Variants in NAALADL2 observed in about 807,000 individuals in gnomAD.
The protein encoded by NAALADL2 is inactive N-acetylated-alpha-linked acidic dipeptidase-like protein 2.
Under a neutral mutation model 87.2 loss-of-function variants are expected in NAALADL2, and 76 were observed. The observed-to-expected ratio is 0.87, with a 90% confidence interval of 0.72 to 1.05. The LOEUF (loss-of-function observed/expected upper bound fraction) is 1.05. NAALADL2 is among the 50% of genes least tolerant of loss of function. The probability of loss-of-function intolerance (pLI) is 0.00; values close to 1 mark genes in which losing one functional copy is unlikely to be tolerated. For synonymous variants in NAALADL2, 354 were observed against 331.0 expected (o/e 1.07, Z -0.75); for missense variants, 1,089 against 945.8 (o/e 1.15, Z -1.99).
chr3:175,803,652 T>A lies in NAALADL2; in HGVS notation c.*449T>A, dbSNP rs1315381093. 1 of 152,884 alleles carries A rather than the reference T, an allele frequency of 6.5e-6. No homozygotes were observed. The highest frequency in any genetic ancestry group is 2.4e-5 in the African/African-American group (1 of 41,448). The allele number at this position is 152,884 out of a possible 1,614,324, so 9.5% of individuals were successfully genotyped here. A position where few individuals can be genotyped will look rare whatever the true frequency, so the allele number is the denominator to read the frequency against. On this transcript the variant is annotated 3_prime_UTR_variant, in exon 14 of 14. Transcript: ENST00000454872. ...TAACTTCACTATTAAGTGTTCAATA[T>A]GAAGAATTCAAGTATTCTGACTGAG...
chr3:175,698,427 ATG>A (rs1412259681), intron 11 of NAALADL2, among the ~76,000 whole-genome samples: 5 of 135,950 alleles, frequency 3.7e-5, no homozygotes, highest in African/African-American at 1.5e-4. Context: ...ATACATATGT[ATG>A]TGTATATATT....
chr3:174,879,582 A>T (rs1728930899), intron 1 of NAALADL2, among the ~76,000 whole-genome samples: 1 of 152,108 alleles, frequency 6.6e-6, no homozygotes, highest in Non-Finnish European at 1.5e-5. Context: ...TTAGATTTTA[A>T]TACATAGAAA....
chr3:175,702,084 T>G (rs1396454961), intron 11 of NAALADL2, among the ~76,000 whole-genome samples: 1 of 152,156 alleles, frequency 6.6e-6, no homozygotes, highest in Non-Finnish European at 1.5e-5. Context: ...TTCAGAAAAT[T>G]TATGAATATG....
chr3:175,251,307 A>G (rs1179913703), intron 3 of NAALADL2, among the ~76,000 whole-genome samples: 1 of 152,196 alleles, frequency 6.6e-6, no homozygotes, highest in Non-Finnish European at 1.5e-5. Flanking sequence ...GGTTATAAAA[A>G]TGAATGTATA....
At chr3:175,426,569 A>G (rs985256965) in intron 5 of NAALADL2, among the ~76,000 whole-genome samples, 1 of 152,168 alleles carries the variant, frequency 6.6e-6, no homozygotes, top group African/African-American at 2.4e-5. Flanking sequence ...ACAGGTATGT[A>G]GTGTTAACAG....
At chr3:175,540,822 G>A (rs1276250610) in intron 9 of NAALADL2, among the ~76,000 whole-genome samples, 1 of 152,126 alleles carries the variant, frequency 6.6e-6, no homozygotes, top group Non-Finnish European at 1.5e-5. Context: ...GGCGACTACT[G>A]AAGGACTAAA....
At chr3:175,634,240 C>A (rs1582710355) in intron 11 of NAALADL2, among the ~76,000 whole-genome samples, 1 of 149,804 alleles carries the variant, frequency 6.7e-6, no homozygotes, top group South Asian at 2.2e-4. Flanking sequence ...AGTCGATTAA[C>A]CTTGGTCTCT....
At chr3:174,913,766 G>T (rs1052717527) in intron 1 of NAALADL2, among the ~76,000 whole-genome samples, 2 of 152,048 alleles carry the variant, frequency 1.3e-5, no homozygotes, top group Non-Finnish European at 2.9e-5. Context: ...TGCTGATCAA[G>T]TTAATTTTTT....
intron 1 of NAALADL2, among the ~76,000 whole-genome samples, chr3:174,959,790 C>T (rs1283159235): frequency 2.0e-5 from 3 of 152,034 alleles, no homozygotes; most frequent in Admixed American, 2.0e-4. Flanking sequence ...GGCTTAAGCA[C>T]TCATCTTCTA....
At chr3:174,710,230 C>CTTTTTTTTTTTTTT (rs57899491) in intron 2 of NAALADL2, among the ~76,000 whole-genome samples, 1 of 136,348 alleles carries the variant, frequency 7.3e-6, no homozygotes, top group Non-Finnish European at 1.6e-5. Context: ...TATGAGCCTC[C>CTTTTTTTTTTTTTT]TTTTTTTTTT....
intron 13 of NAALADL2, among the ~76,000 whole-genome samples, chr3:175,766,313 T>A (rs1748671581): frequency 6.6e-6 from 1 of 152,112 alleles, no homozygotes. Context: ...TGTTTTTACA[T>A]AAATAACAAT....
Position 175,447,313 on chromosome 3 carries a change from C to G in NAALADL2, c.1175C>G (p.Ser392Cys), listed in dbSNP as rs1215194834. Residue 392 changes from serine (S) to cysteine (C), a missense_variant, in exon 6 of 14, where the codon TCT (serine) becomes TGT (cysteine). By Grantham distance (112) the Ser-to-Cys change is moderately radical. Coordinates refer to ENST00000454872, the MANE Select transcript of NAALADL2 (RefSeq NM_207015.3). ...ISAPLVAKLI[S>C]SPKARTKNEA... ...GCACCCCTCGTTGCAAAACTGATCT[C>G]TTCGCCAAAAGCTAGAACCAAAAAT... 6.2e-7 allele frequency: 1 copy of G among 1,605,134 alleles called. No homozygotes were observed. Among genetic ancestry groups the G allele is most frequent in the Non-Finnish European group, 8.5e-7 (1 of 1,175,174 alleles).
intron 5 of NAALADL2, among the ~76,000 whole-genome samples, chr3:175,343,653 A>ATTTTTTTTTTT (rs1581504166): frequency 1.9e-5 from 1 of 52,284 alleles, no homozygotes; most frequent in African/African-American, 6.8e-5. Context: ...TGTCTTGATC[A>ATTTTTTTTTTT]TGTTTTTTTT....
intron 2 of NAALADL2, among the ~76,000 whole-genome samples, chr3:175,232,297 G>A (rs189677948): frequency 1.3e-5 from 2 of 152,134 alleles, no homozygotes; most frequent in East Asian, 3.9e-4. Flanking sequence ...ATGAATAGGA[G>A]TAGCTTCACA....
At chr3:175,320,930 C>A (rs570925730) in intron 4 of NAALADL2, among the ~76,000 whole-genome samples, 1 of 149,964 alleles carries the variant, frequency 6.7e-6, no homozygotes, top group Non-Finnish European at 1.5e-5. Flanking sequence ...GGTACCATTC[C>A]TTCTGAAACT....
intron 4 of NAALADL2, among the ~76,000 whole-genome samples, chr3:175,274,648 A>G (rs557772259): frequency 7.9e-5 from 12 of 152,226 alleles, no homozygotes; most frequent in Non-Finnish European, 1.3e-4. Context: ...GTCTTTAATC[A>G]TTGCTCAACC....
intron 5 of NAALADL2, among the ~76,000 whole-genome samples, chr3:175,416,855 T>C (rs1714724657): frequency 6.6e-6 from 1 of 151,944 alleles, no homozygotes; most frequent in African/African-American, 2.4e-5. Flanking sequence ...CGTGAATGTA[T>C]GTGGATGATA....
At chr3:175,506,671 G>A (rs7628569) in intron 9 of NAALADL2, among the ~76,000 whole-genome samples, 130,042 of 152,170 alleles carry the variant, frequency 0.85, 55,691 homozygotes, top group East Asian at 0.96. Context: ...ACCAAATTCA[G>A]AAATGTACTT....
chr3:174,892,071 A>G (rs961230125), intron 1 of NAALADL2, among the ~76,000 whole-genome samples: 1 of 152,154 alleles, frequency 6.6e-6, no homozygotes, highest in African/African-American at 2.4e-5. Flanking sequence ...AAGTTCTTTC[A>G]AATATCTAGA....
Sources: allele counts gnomAD v4.1 joint callset (sites outside exome capture counted in the v4.1 genomes callset), GRCh38; gene constraint gnomAD v4.1.1; transcripts MANE v1.5; gene names NCBI Gene and HGNC (gene_info 2026-07-23, HGNC 2026-07-21).